The following TENM3 variants were observed in gnomAD, a reference collection of about 807,000 sequenced individuals.
TENM3 encodes teneurin transmembrane protein 3.
In TENM3, 63 loss-of-function variants were observed where a neutral mutation model predicts 255.1. The ratio of observed to expected loss-of-function variants is 0.25; its 90% CI spans 0.20 to 0.30. The LOEUF (loss-of-function observed/expected upper bound fraction) is 0.30. Among genes scored for constraint, TENM3 ranks in the 10% least tolerant of loss-of-function variants. The pLI is 1.00. For missense variants in TENM3, 2,929 were observed against 3,461.1 expected, an observed-to-expected ratio of 0.85 and a Z score of 3.86; for synonymous variants, 1,306 against 1,322.3, an observed-to-expected ratio of 0.99 and a Z score of 0.27.
chr4:182,089,412 T>G, the TENM3 span, among the ~76,000 whole-genome samples: 1 of 152,170 alleles, frequency 6.6e-6, no homozygotes. Flanking sequence ...TAGATTGAAA[T>G]GGGTATGCCC....
the TENM3 span, among the ~76,000 whole-genome samples, chr4:181,953,824 A>T: frequency 6.6e-6 from 1 of 152,158 alleles, no homozygotes; most frequent in Non-Finnish European, 1.5e-5. Context: ...TCACCCATTT[A>T]AGTGTGTATT....
intron 11 of TENM3, among the ~76,000 whole-genome samples, chr4:182,686,551 C>T (rs1444950655): frequency 6.6e-6 from 1 of 152,064 alleles, no homozygotes; most frequent in East Asian, 1.9e-4. Context: ...ATAGACTTTA[C>T]ACCCGAAGAA....
the TENM3 span, among the ~76,000 whole-genome samples, chr4:181,687,125 C>A: frequency 2.2e-3 from 331 of 152,164 alleles, 1 homozygote; most frequent in Middle Eastern, 0.014. Context: ...ATTTTATAGA[C>A]CTTCCAAATA....
chr4:182,477,471 A>G (rs1187857675), intron 3 of TENM3, among the ~76,000 whole-genome samples: 1 of 152,146 alleles, frequency 6.6e-6, no homozygotes, highest in African/African-American at 2.4e-5. Context: ...GCCTAAATTT[A>G]TTTTTTATGG....
chr4:182,547,960 C>A (rs995228936), intron 3 of TENM3, among the ~76,000 whole-genome samples: 2 of 152,010 alleles, frequency 1.3e-5, no homozygotes, highest in Non-Finnish European at 2.9e-5. Context: ...GCTCGTGCCT[C>A]GAGTCCCAGC....
chr4:182,110,123 A>G, the TENM3 span, among the ~76,000 whole-genome samples: 1 of 151,486 alleles, frequency 6.6e-6, no homozygotes, highest in African/African-American at 2.4e-5. Context: ...CAAAAAAAAA[A>G]AAAAAAATAC....
At chr4:182,571,028 A>G (rs1179941277) in intron 3 of TENM3, among the ~76,000 whole-genome samples, 1 of 152,144 alleles carries the variant, frequency 6.6e-6, no homozygotes, top group African/African-American at 2.4e-5. Context: ...TCGGGGGATG[A>G]TTTTTAACTA....
the TENM3 span, among the ~76,000 whole-genome samples, chr4:181,949,748 C>T: frequency 6.6e-6 from 1 of 152,154 alleles, no homozygotes; most frequent in African/African-American, 2.4e-5. Flanking sequence ...TGCCCTCACC[C>T]ACACCCTCTC....
the TENM3 span, among the ~76,000 whole-genome samples, chr4:181,738,316 C>T: frequency 6.6e-6 from 1 of 152,158 alleles, no homozygotes; most frequent in Non-Finnish European, 1.5e-5. Context: ...TGAAATATAA[C>T]ACCAATGAGA....
At chr4:182,427,385 G>A (rs532693706) in intron 3 of TENM3, among the ~76,000 whole-genome samples, 78 of 152,206 alleles carry the variant, frequency 5.1e-4, no homozygotes, top group Non-Finnish European at 9.4e-4. Flanking sequence ...CATATTTTGA[G>A]AGAAACTTAT....
At chr4:181,840,693 A>G in the TENM3 span, among the ~76,000 whole-genome samples, 1 of 151,928 alleles carries the variant, frequency 6.6e-6, no homozygotes, top group Non-Finnish European at 1.5e-5. Flanking sequence ...GATGCTAATT[A>G]TTTACCCCCT....
the TENM3 span, among the ~76,000 whole-genome samples, chr4:181,900,524 G>A: frequency 6.6e-6 from 1 of 152,050 alleles, no homozygotes; most frequent in African/African-American, 2.4e-5. Flanking sequence ...CCTATATATA[G>A]CTCCAGTTCA....
At chr4:182,520,430 G>T (rs1738454081) in intron 3 of TENM3, among the ~76,000 whole-genome samples, 1 of 152,128 alleles carries the variant, frequency 6.6e-6, no homozygotes, top group Non-Finnish European at 1.5e-5. Flanking sequence ...TGTATTTAGG[G>T]TGTTTGGTCT....
chr4:181,565,284 C>G, the TENM3 span, among the ~76,000 whole-genome samples: 1 of 152,146 alleles, frequency 6.6e-6, no homozygotes, highest in Non-Finnish European at 1.5e-5. Context: ...CTCCATTAGA[C>G]CAGAACACTG....
At chr4:181,590,021 G>T in the TENM3 span, among the ~76,000 whole-genome samples, 4 of 152,120 alleles carry the variant, frequency 2.6e-5, no homozygotes, top group Non-Finnish European at 5.9e-5. Context: ...ATATTTGAGG[G>T]TGCCTCTTCT....
the TENM3 span, among the ~76,000 whole-genome samples, chr4:181,530,107 A>C: frequency 1.1e-3 from 160 of 152,342 alleles, 2 homozygotes; most frequent in Non-Finnish European, 1.9e-3. Context: ...ATGAAAGAGC[A>C]CTTTTTAAAA....
intron 24 of TENM3, among the ~76,000 whole-genome samples, chr4:182,781,907 T>G (rs1399708471): frequency 6.6e-6 from 1 of 151,216 alleles, no homozygotes; most frequent in Non-Finnish European, 1.5e-5. Context: ...GATATCCCCT[T>G]TATCATTTTT....
At chr4:181,986,752 T>G in the TENM3 span, among the ~76,000 whole-genome samples, 1 of 152,026 alleles carries the variant, frequency 6.6e-6, no homozygotes, top group South Asian at 2.1e-4. Flanking sequence ...AGAGATCATA[T>G]CCAGAACTAC....
chr4:181,547,614 TAG>T, the TENM3 span, among the ~76,000 whole-genome samples: 1 of 152,092 alleles, frequency 6.6e-6, no homozygotes, highest in Non-Finnish European at 1.5e-5. Flanking sequence ...TAAAAGCCTC[TAG>T]AGAGTAAAGA....
Sources: gnomAD v4.1 joint callset for allele counts (sites outside exome capture counted in the v4.1 genomes callset) on GRCh38, gnomAD v4.1.1 for gene constraint, MANE v1.5 for transcripts, NCBI Gene and HGNC (gene_info 2026-07-23, HGNC 2026-07-21) for gene names.